NRG3: variants seen among roughly 807,000 people sequenced by gnomAD.
NRG3 encodes neuregulin 3.
In NRG3, 31 loss-of-function variants were observed where a neutral mutation model predicts 66.9. The observed-to-expected ratio is 0.46, with a 90% CI of 0.35 to 0.63. NRG3 has a LOEUF of 0.63. Among genes scored for constraint, NRG3 ranks in the 20% least tolerant of loss-of-function variants. NRG3 has a pLI of 0.00. For missense variants in NRG3, 910 were observed against 878.9 expected, an observed-to-expected ratio of 1.04 and a Z score of -0.45; for synonymous variants, 393 against 359.4, an observed-to-expected ratio of 1.09 and a Z score of -1.06.
chr10:82,707,084 CA>C (rs1565223352), intron 2 of NRG3, among the ~76,000 whole-genome samples: 1 of 147,032 alleles, frequency 6.8e-6, no homozygotes, highest in Non-Finnish European at 1.5e-5. Flanking sequence ...TTAAGAAAAA[CA>C]AAATGAATAC....
chr10:82,252,923 T>G (rs2077553982), intron 1 of NRG3, among the ~76,000 whole-genome samples: 1 of 152,166 alleles, frequency 6.6e-6, no homozygotes, highest in Non-Finnish European at 1.5e-5. Context: ...CATTAAAGAC[T>G]AGAACATCGC....
At chr10:82,707,653 C>G (rs568906662) in intron 2 of NRG3, among the ~76,000 whole-genome samples, 3 of 151,682 alleles carry the variant, frequency 2.0e-5, no homozygotes, top group African/African-American at 7.2e-5. Flanking sequence ...CTCCACCTCC[C>G]AAAGTGCTGG....
At chr10:82,475,969 T>C (rs1225902346) in intron 2 of NRG3, among the ~76,000 whole-genome samples, 1 of 151,710 alleles carries the variant, frequency 6.6e-6, no homozygotes, top group Admixed American at 6.6e-5. Flanking sequence ...CCAAAATATA[T>C]AGAGTTCCTA....
At chr10:82,181,533 G>A (rs552416265) in intron 1 of NRG3, among the ~76,000 whole-genome samples, 1 of 151,822 alleles carries the variant, frequency 6.6e-6, no homozygotes, top group African/African-American at 2.4e-5. Flanking sequence ...TTGTTCCAGA[G>A]TGTATTGTTT....
At chr10:82,055,879 A>G (rs1293785587) in intron 1 of NRG3, among the ~76,000 whole-genome samples, 1 of 152,202 alleles carries the variant, frequency 6.6e-6, no homozygotes, top group Non-Finnish European at 1.5e-5. Flanking sequence ...AGTGAAATGC[A>G]TGGTAGGCTT....
intron 3 of NRG3, among the ~76,000 whole-genome samples, chr10:82,842,035 G>A (rs916886499): frequency 6.6e-6 from 1 of 152,114 alleles, no homozygotes; most frequent in Non-Finnish European, 1.5e-5. Context: ...AAAATCACTT[G>A]AGGTCAGGAG....
At chr10:82,120,411 G>C (rs1328393360) in intron 1 of NRG3, among the ~76,000 whole-genome samples, 2 of 152,060 alleles carry the variant, frequency 1.3e-5, no homozygotes, top group African/African-American at 4.8e-5. Flanking sequence ...TTACAAAAAA[G>C]AAATACATTT....
At chr10:82,370,569 G>A (rs1320845501) in intron 2 of NRG3, among the ~76,000 whole-genome samples, 1 of 104,828 alleles carries the variant, frequency 9.5e-6, no homozygotes, top group Admixed American at 8.5e-5. Context: ...AGGCTTAAAG[G>A]TGGGGCCTTT....
Position 82,959,031 on chromosome 10 carries a change from G to A in NRG3, c.1240G>A (p.Ala414Thr). Residue 414 changes from alanine to threonine, a missense_variant, in exon 6 of 9, where the codon GCA becomes ACA. By Grantham distance (58) the Ala-to-Thr change is moderately conservative. Transcript: ENST00000372141. ...SYSLKASSTM[A>T]KSENLVKSHV... The stretch of plus-strand genomic sequence containing the variant: ...CAGTCTCAAAGCATCCAGCACAATG[G>A]CAAAGTCAGAGAACTTGGTGAAGAG... The A allele has an allele frequency of 1.2e-6, 2 of 1,606,480 alleles. No homozygotes were observed. The highest frequency in any genetic ancestry group is 1.7e-6 in the Non-Finnish European group (2 of 1,177,692).
chr10:82,728,335 G>A (rs2057719775), intron 2 of NRG3, among the ~76,000 whole-genome samples: 1 of 152,136 alleles, frequency 6.6e-6, no homozygotes, highest in Admixed American at 6.5e-5. Context: ...ACATGTCATG[G>A]GAGGGAGCCA....
At chr10:82,634,878 C>A (rs1265311603) in intron 2 of NRG3, among the ~76,000 whole-genome samples, 1 of 152,036 alleles carries the variant, frequency 6.6e-6, no homozygotes, top group African/African-American at 2.4e-5. Flanking sequence ...ACAAGAGAAG[C>A]CATCAGGTGC....
intron 4 of NRG3, among the ~76,000 whole-genome samples, chr10:82,928,797 A>G (rs1847269597): frequency 1.3e-5 from 2 of 152,148 alleles, no homozygotes; most frequent in Non-Finnish European, 2.9e-5. Flanking sequence ...CCTGGGCTGT[A>G]ATCTGTGGAG....
intron 2 of NRG3, among the ~76,000 whole-genome samples, chr10:82,484,743 G>A (rs962705025): frequency 1.3e-5 from 2 of 152,162 alleles, no homozygotes; most frequent in African/African-American, 4.8e-5. Context: ...CTTGTCAGGA[G>A]AGCTACATTC....
At chr10:82,876,761 C>T (rs964382201) in intron 4 of NRG3, among the ~76,000 whole-genome samples, 3 of 152,094 alleles carry the variant, frequency 2.0e-5, no homozygotes, top group African/African-American at 4.8e-5. Context: ...TGGTGGCTCA[C>T]GCCTGTAGTC....
At chr10:82,894,641 A>G (rs1843473463) in intron 4 of NRG3, among the ~76,000 whole-genome samples, 1 of 152,176 alleles carries the variant, frequency 6.6e-6, no homozygotes, top group African/African-American at 2.4e-5. Flanking sequence ...ATTAAGACTC[A>G]ATTCATCTAT....
At chr10:82,681,267 A>C (rs934638145) in intron 2 of NRG3, among the ~76,000 whole-genome samples, 2 of 152,106 alleles carry the variant, frequency 1.3e-5, no homozygotes, top group Admixed American at 6.5e-5. Flanking sequence ...GATTCTGTAC[A>C]ATTTACTATA....
chr10:82,800,897 T>C (rs925097026), intron 3 of NRG3, among the ~76,000 whole-genome samples: 11 of 152,088 alleles, frequency 7.2e-5, no homozygotes, highest in Admixed American at 2.0e-4. Context: ...AGGGGCACAA[T>C]TGAGCTGGAA....
chr10:82,494,118 G>A (rs777206086), intron 2 of NRG3, among the ~76,000 whole-genome samples: 4 of 152,154 alleles, frequency 2.6e-5, no homozygotes, highest in Non-Finnish European at 5.9e-5. Context: ...CAGAGAAATA[G>A]GAATGCTTTT....
rs185008508 is a variant in NRG3, at chr10:82,316,709, A to C, written c.824-42030A>C. On this transcript the variant is annotated intron_variant, in intron 1 of 8. Transcript: ENST00000372141. Reference sequence around the variant, plus strand: ...AACAAAAAGTGTTTCTACTTCTAAAAAGGAAAAAGTTGAAAATCTCTTCCC... The same window carrying C: ...AACAAAAAGTGTTTCTACTTCTAAACAGGAAAAAGTTGAAAATCTCTTCCC... 1.0e-3 allele frequency among the ~76,000 whole-genome samples: 155 copies of C among 152,324 alleles called. 1 individual carries two copies. Among genetic ancestry groups the C allele is most frequent in the Non-Finnish European group, 1.7e-3 (115 of 68,028 alleles).
Sources: gnomAD v4.1 joint callset for allele counts (sites outside exome capture counted in the v4.1 genomes callset) on GRCh38, gnomAD v4.1.1 for gene constraint, MANE v1.5 for transcripts, NCBI Gene and HGNC (gene_info 2026-07-23, HGNC 2026-07-21) for gene names.